GSDME: variants seen among roughly 807,000 people sequenced by gnomAD.
The protein encoded by GSDME is gasdermin-E.
A neutral mutation model predicts 47.5 loss-of-function variants in GSDME; 44 were observed. The observed-to-expected ratio is 0.93, with a 90% CI of 0.73 to 1.19. The LOEUF is 1.19. Among genes scored for constraint, GSDME ranks in the 50% most tolerant of loss-of-function variants. The pLI, the probability that GSDME is intolerant of heterozygous loss-of-function variation, is 0.00. For synonymous variants in GSDME, 258 were observed against 252.8 expected (o/e 1.02, Z -0.20); for missense variants, 663 against 604.2 (o/e 1.10, Z -1.02).
chr7:24,773,644 C>T, the GSDME span, among the ~76,000 whole-genome samples: 1 of 152,172 alleles, frequency 6.6e-6, no homozygotes, highest in East Asian at 1.9e-4. The surrounding 1 kb of genome is among the most constrained non-coding windows in gnomAD (Gnocchi z 5.4). Flanking sequence ...CCTCTCTCCC[C>T]CACCTTTCTA....
the GSDME span, among the ~76,000 whole-genome samples, chr7:24,763,041 C>T: frequency 1.3e-5 from 2 of 152,120 alleles, no homozygotes; most frequent in African/African-American, 4.8e-5. The surrounding 1 kb of genome is among the most constrained non-coding windows in gnomAD (Gnocchi z 4.3). Flanking sequence ...TCCAACACTC[C>T]CAGTGGATGC....
chr7:24,791,692 A>G, the GSDME span, among the ~76,000 whole-genome samples: 1 of 152,134 alleles, frequency 6.6e-6, no homozygotes, highest in Admixed American at 6.5e-5. This position sits in a 1 kb window ranked among gnomAD's most constrained non-coding sequence, Gnocchi z 4.8. Context: ...GAGATAGCCA[A>G]TTGGACTAAA....
rs1380089110 is a variant in GSDME, at chr7:24,735,117, A to G, written c.404+9445T>C. ...AGCAGACTTTTCAGCACAAGTCTTT[A>G]AAGGCCAGGAGAGAGTGGCATGACA... On this transcript the variant is annotated intron_variant, in intron 3 of 9. Transcript: ENST00000645220. This position sits in a 1 kb window ranked among gnomAD's most constrained non-coding sequence, Gnocchi z 4.4. 6.6e-6 allele frequency among the ~76,000 whole-genome samples: 1 copy of G among 152,248 alleles called. No individual in the cohort carries two copies. Among genetic ancestry groups the G allele is most frequent in the Non-Finnish European group, 1.5e-5 (1 of 68,044 alleles).
the GSDME span, among the ~76,000 whole-genome samples, chr7:24,769,696 A>T: frequency 6.6e-6 from 1 of 152,182 alleles, no homozygotes; most frequent in African/African-American, 2.4e-5. Context: ...CTTTCTCAGT[A>T]CATCATGTTC....
rs1434252366 is a variant in GSDME at position 24,744,146 on chromosome 7, T to A, written c.404+416A>T. Reference sequence around the variant, plus strand: ...GACTTCAAAGACTGAAAAGAGCTCTTATTTTTGAACTTTTTTACGCGCCTC... The same window carrying A: ...GACTTCAAAGACTGAAAAGAGCTCTAATTTTTGAACTTTTTTACGCGCCTC... On this transcript the variant is annotated intron_variant, in intron 3 of 9. Coordinates refer to ENST00000645220, the MANE Select transcript of GSDME (RefSeq NM_001127453.2). The surrounding 1 kb of genome is among the most constrained non-coding windows in gnomAD (Gnocchi z 4.5). 1 of 225,018 alleles carries A rather than the reference T, an allele frequency of 4.4e-6. No individual in the cohort carries two copies. Among genetic ancestry groups the A allele is most frequent in the African/African-American group, 2.3e-5 (1 of 43,092 alleles). The allele number at this position is 225,018 out of a possible 1,614,324, so 13.9% of individuals were successfully genotyped here. A position where few individuals can be genotyped will look rare whatever the true frequency, so the allele number is the denominator to read the frequency against.
intron 3 of GSDME, among the ~76,000 whole-genome samples, chr7:24,722,908 C>T (rs982924036): frequency 1.3e-5 from 2 of 152,188 alleles, no homozygotes; most frequent in Non-Finnish European, 2.9e-5. Context: ...TGGGGCGGAC[C>T]CACCACAGCG....
chr7:24,727,212 G>A (rs1584081774), intron 3 of GSDME, among the ~76,000 whole-genome samples: 1 of 152,206 alleles, frequency 6.6e-6, no homozygotes, highest in Non-Finnish European at 1.5e-5. Flanking sequence ...CCAGAGAGGT[G>A]ACAGGCCCAC....
chr7:24,770,680 A>C, the GSDME span, among the ~76,000 whole-genome samples: 1 of 152,188 alleles, frequency 6.6e-6, no homozygotes. The surrounding 1 kb of genome is among the most constrained non-coding windows in gnomAD (Gnocchi z 4.6). Context: ...ACCTAAGAGT[A>C]ATATAAGCAG....
chr7:24,717,167 G>C, intron 5 of GSDME, 87 bp downstream of exon 5: 1 of 1,155,932 alleles, frequency 8.7e-7, no homozygotes, highest in Non-Finnish European at 1.2e-6. Flanking sequence ...CTCCAAAGCA[G>C]TCGAGTCCTC....
In GSDME at chr7:24,724,248, T is replaced by C. The variant is rs1789892845; in HGVS notation, c.405-5030A>G. Among the ~76,000 whole-genome samples, 4 of 151,844 alleles carry C rather than the reference T, an allele frequency of 2.6e-5. No individual in the cohort carries two copies. Among genetic ancestry groups the C allele is most frequent in the African/African-American group, 7.3e-5 (3 of 41,274 alleles). On this transcript the variant is annotated intron_variant, in intron 3 of 9. Coordinates refer to ENST00000645220, the MANE Select transcript of GSDME (RefSeq NM_001127453.2). The surrounding 1 kb of genome is among the most constrained non-coding windows in gnomAD (Gnocchi z 4.8). ...AGCTCCTGGAGGACAAAGTACTTGC[T>C]CTTTTTATTGGTGCCTAGCCCTGTG...
At chr7:24,749,480 C>T (rs1436963498) in intron 2 of GSDME, 84 bp downstream of exon 2, 12 of 1,184,514 alleles carry the variant, frequency 1.0e-5, no homozygotes, top group Admixed American at 5.4e-5. Context: ...CCAGCATGGG[C>T]GACAGAGACT....
the GSDME span, among the ~76,000 whole-genome samples, chr7:24,780,666 C>A: frequency 7.2e-5 from 11 of 152,308 alleles, no homozygotes; most frequent in African/African-American, 2.6e-4. The surrounding 1 kb of genome is among the most constrained non-coding windows in gnomAD (Gnocchi z 4.1). Context: ...TGTTAAGTTT[C>A]TATGCGTTGT....
chr7:24,700,846 G>A (rs1016060098), intron 9 of GSDME, among the ~76,000 whole-genome samples: 1 of 152,192 alleles, frequency 6.6e-6, no homozygotes, highest in African/African-American at 2.4e-5. Context: ...AGCATGGCAG[G>A]CTCCCTGTCC....
chr7:24,722,678 C>T (rs567964883), intron 3 of GSDME, among the ~76,000 whole-genome samples: 6 of 152,360 alleles, frequency 3.9e-5, no homozygotes, highest in African/African-American at 1.4e-4. Flanking sequence ...ACACTGGACA[C>T]TGCTCCTAGC....
rs953224213 is a variant in GSDME, at chr7:24,757,070, G to C, written c.-20+326C>G. ...TTGGGAGAACGAAAATACCAGCTGC[G>C]CTTCCAACATCCAAGGAAGGAAGTG... On this transcript the variant is annotated intron_variant, in intron 1 of 9. Coordinates refer to ENST00000645220, the MANE Select transcript of GSDME (RefSeq NM_001127453.2). This position sits in a 1 kb window ranked among gnomAD's most constrained non-coding sequence, Gnocchi z 5.9. 6.6e-6 allele frequency among the ~76,000 whole-genome samples: 1 copy of C among 152,134 alleles called. No homozygotes were observed. Among genetic ancestry groups the C allele is most frequent in the Non-Finnish European group, 1.5e-5 (1 of 68,010 alleles).
intron 8 of GSDME, chr7:24,704,299 T>C (rs1789004919): frequency 6.6e-6 from 1 of 152,164 alleles, no homozygotes; most frequent in African/African-American, 2.4e-5. Flanking sequence ...TTGCTTAAGG[T>C]TACAAAATAG....
intron 3 of GSDME, among the ~76,000 whole-genome samples, chr7:24,723,186 C>T (rs1305809852): frequency 1.3e-5 from 2 of 152,208 alleles, no homozygotes; most frequent in Non-Finnish European, 2.9e-5. Context: ...TTAGGAGAGG[C>T]CCCACAGGGA....
At chr7:24,734,640 C>A (rs1790244616) in intron 3 of GSDME, among the ~76,000 whole-genome samples, 1 of 152,130 alleles carries the variant, frequency 6.6e-6, no homozygotes, top group African/African-American at 2.4e-5. Context: ...AGTTGAAAAA[C>A]ACAATTGACA....
At chr7:24,737,474 A>C (rs2128060409) in intron 3 of GSDME, among the ~76,000 whole-genome samples, 1 of 152,164 alleles carries the variant, frequency 6.6e-6, no homozygotes, top group South Asian at 2.1e-4. Context: ...AAATAACAAA[A>C]AAAACAAGTA....
Sources: gnomAD v4.1 joint callset for allele counts (sites outside exome capture counted in the v4.1 genomes callset) on GRCh38, gnomAD v4.1.1 for gene constraint, Gnocchi (gnomAD v3.1) non-coding constraint, MANE v1.5 for transcripts, NCBI Gene and HGNC (gene_info 2026-07-23, HGNC 2026-07-21) for gene names.